The following SCARA3 variants were observed in gnomAD, a reference collection of about 807,000 sequenced individuals.
SCARA3 encodes the protein scavenger receptor class A member 3, also known as cellular stress response gene protein.
In SCARA3, 39 loss-of-function variants were observed where a neutral mutation model predicts 47.0. The ratio of observed to expected loss-of-function variants is 0.83; its 90% CI spans 0.64 to 1.08. SCARA3 has a LOEUF of 1.08. SCARA3 is among the 50% of genes least tolerant of loss of function. The pLI, the probability that SCARA3 is intolerant of heterozygous loss-of-function variation, is 0.00. For missense variants in SCARA3, 724 were observed against 792.3 expected (o/e 0.91, Z 1.04); for synonymous variants, 356 against 334.1 (o/e 1.07, Z -0.71).
rs1052403060 is a variant in SCARA3 at position 27,659,217 on chromosome 8, C to A, written c.1047C>A (p.Arg349=). 9.9e-6 allele frequency: 16 copies of A among 1,614,118 alleles called. No individual in the cohort carries two copies. The African/African-American group carries it at 1.2e-4, about 12-fold the overall frequency. Residue 349 remains arginine (R), a synonymous_variant, in exon 5 of 6, where the codon CGC becomes CGA. Transcript: ENST00000301904. ...TVERFESLEG[R]MASHEIEIGT... is the part of the protein sequence containing the mutation. ...AGAGGTTTGAGTCTCTGGAAGGACG[C>A]ATGGCTTCTCACGAGATTGAAATTG...
chr8:27,660,649 T>TAGAC (rs1554539842), intron 5 of SCARA3, among the ~76,000 whole-genome samples: 4 of 149,112 alleles, frequency 2.7e-5, no homozygotes, highest in African/African-American at 9.8e-5. Context: ...GATAGATAGA[T>TAGAC]AGATAGATCT....
At chr8:27,646,524 G>C (rs1174748194) in intron 1 of SCARA3, among the ~76,000 whole-genome samples, 1 of 152,184 alleles carries the variant, frequency 6.6e-6, no homozygotes, top group African/African-American at 2.4e-5. Context: ...AGTCACGGGG[G>C]AGGGCAGAGG....
the SCARA3 span, among the ~76,000 whole-genome samples, chr8:27,729,651 C>T: frequency 1.3e-5 from 2 of 151,944 alleles, no homozygotes; most frequent in Admixed American, 6.6e-5. Context: ...ATTAGCCAGA[C>T]GTGTTGGTGG....
chr8:27,645,301 A>G (rs1801469483), intron 1 of SCARA3, among the ~76,000 whole-genome samples: 1 of 152,286 alleles, frequency 6.6e-6, no homozygotes, highest in Non-Finnish European at 1.5e-5. Context: ...AACTGAAGAC[A>G]TAGGCCTTCG....
At chr8:27,728,504 C>T in the SCARA3 span, among the ~76,000 whole-genome samples, 2 of 152,172 alleles carry the variant, frequency 1.3e-5, no homozygotes, top group African/African-American at 2.4e-5. Flanking sequence ...CCTAGAGGAT[C>T]CAGCGGCTAA....
chr8:27,635,910 G>A (rs1429682924), intron 1 of SCARA3, among the ~76,000 whole-genome samples: 1 of 152,196 alleles, frequency 6.6e-6, no homozygotes, highest in African/African-American at 2.4e-5. Flanking sequence ...CTAGACCCCA[G>A]GACTCCTGAC....
the SCARA3 span, among the ~76,000 whole-genome samples, chr8:27,687,085 T>A: frequency 1.3e-5 from 2 of 152,146 alleles, no homozygotes; most frequent in East Asian, 3.8e-4. Context: ...GTGACTCAGG[T>A]CTGTCCAATG....
At chr8:27,705,319 G>T in the SCARA3 span, among the ~76,000 whole-genome samples, 6 of 152,342 alleles carry the variant, frequency 3.9e-5, no homozygotes, top group African/African-American at 1.4e-4. Flanking sequence ...AAGCAGCTGC[G>T]GGACCTTGGC....
At chr8:27,684,944 G>T in the SCARA3 span, among the ~76,000 whole-genome samples, 3 of 151,972 alleles carry the variant, frequency 2.0e-5, no homozygotes, top group African/African-American at 7.2e-5. Context: ...TTAAAGAAGT[G>T]TACCAGAACA....
the SCARA3 span, among the ~76,000 whole-genome samples, chr8:27,723,537 G>A: frequency 6.6e-6 from 1 of 152,116 alleles, no homozygotes. Flanking sequence ...CGTTCTGGAA[G>A]CCAATCATTA....
At chr8:27,705,515 A>G in the SCARA3 span, among the ~76,000 whole-genome samples, 1 of 152,272 alleles carries the variant, frequency 6.6e-6, no homozygotes, top group East Asian at 1.9e-4. Flanking sequence ...GTGAAGCCAG[A>G]GGGATCTTAG....
the SCARA3 span, among the ~76,000 whole-genome samples, chr8:27,709,658 T>A: frequency 6.6e-6 from 1 of 152,202 alleles, no homozygotes; most frequent in Non-Finnish European, 1.5e-5. Context: ...TGCAGGCAGC[T>A]GCTGGCTTCC....
intron 1 of SCARA3, among the ~76,000 whole-genome samples, chr8:27,648,234 T>C (rs1044797916): frequency 4.6e-5 from 7 of 152,250 alleles, no homozygotes; most frequent in Non-Finnish European, 1.0e-4. Context: ...TGTCTATAAA[T>C]GTGACTCTCT....
At chr8:27,721,652 G>A in the SCARA3 span, among the ~76,000 whole-genome samples, 1 of 152,108 alleles carries the variant, frequency 6.6e-6, no homozygotes, top group Non-Finnish European at 1.5e-5. Flanking sequence ...GTCTTGCCAG[G>A]AACACCCAGG....
the SCARA3 span, among the ~76,000 whole-genome samples, chr8:27,731,585 T>C: frequency 7.1e-6 from 1 of 140,228 alleles, no homozygotes. Flanking sequence ...GAGGTTGCAG[T>C]GAGCCAAGAT....
the SCARA3 span, among the ~76,000 whole-genome samples, chr8:27,698,250 A>G: frequency 6.8e-6 from 1 of 147,398 alleles, no homozygotes; most frequent in African/African-American, 2.4e-5. Flanking sequence ...GTAAATTAGA[A>G]CGTAAATATT....
intron 1 of SCARA3, among the ~76,000 whole-genome samples, chr8:27,647,902 T>C (rs1447386820): frequency 1.3e-5 from 2 of 152,224 alleles, no homozygotes; most frequent in African/African-American, 4.8e-5. Flanking sequence ...TCTCAGCTCC[T>C]ATGTTGATCA....
chr8:27,649,615 G>T (rs1801586427), intron 1 of SCARA3, 87 bp from the exon 2 acceptor site: 2 of 1,238,714 alleles, frequency 1.6e-6, no homozygotes, highest in Admixed American at 3.8e-5. Context: ...GTAGAGGTGG[G>T]CATGGGATAT....
chr8:27,729,718 G>A, the SCARA3 span, among the ~76,000 whole-genome samples: 1 of 152,094 alleles, frequency 6.6e-6, no homozygotes. Flanking sequence ...GTGAACCCGG[G>A]AGGCGAAAGT....
Sources: gnomAD v4.1 joint callset for allele counts (sites outside exome capture counted in the v4.1 genomes callset) on GRCh38, gnomAD v4.1.1 for gene constraint, MANE v1.5 for transcripts, NCBI Gene and HGNC (gene_info 2026-07-23, HGNC 2026-07-21) for gene names.